Variants in PRUNE2 observed in about 807,000 individuals in gnomAD.
PRUNE2 encodes prune homolog 2 with BCH domain, also known as protein prune homolog 2.
In PRUNE2, 164 loss-of-function variants were observed where a neutral mutation model predicts 252.0. The observed-to-expected ratio is 0.65, with a 90% CI of 0.57 to 0.74. PRUNE2 has a LOEUF of 0.74. Among genes scored for constraint, PRUNE2 ranks in the 30% least tolerant of loss-of-function variants. The pLI is 0.00. For missense variants in PRUNE2, 3,495 were observed against 3,711.0 expected, an observed-to-expected ratio of 0.94 and a Z score of 1.51; for synonymous variants, 1,292 against 1,350.2, an observed-to-expected ratio of 0.96 and a Z score of 0.94.
chr9:76,810,579 C>CAACA (rs2057291181), intron 6 of PRUNE2, among the ~76,000 whole-genome samples: 2 of 152,186 alleles, frequency 1.3e-5, no homozygotes, highest in Non-Finnish European at 2.9e-5. Flanking sequence ...CACTCTTCTC[C>CAACA]AACAGGCTCA....
chr9:76,858,165 T>C (rs2060359022), intron 1 of PRUNE2, among the ~76,000 whole-genome samples: 1 of 152,262 alleles, frequency 6.6e-6, no homozygotes, highest in Non-Finnish European at 1.5e-5. Context: ...AAAATCTGCT[T>C]GTGCCAGGCA....
In PRUNE2 at chr9:76,644,826, G is replaced by C. The variant is rs532759801; in HGVS notation, c.8641C>G (p.Leu2881Val). The change falls in exon 12 of 19, where the codon CTT becomes GTT. Residue 2881 changes from leucine to valine, a missense_variant. By Grantham distance (32) the Leu-to-Val change is conservative. Coordinates refer to ENST00000376718, the MANE Select transcript of PRUNE2 (RefSeq NM_015225.3). ...TAEEEREDNRLWRTVVIGEQE... is the reference protein window; with the variant it reads ...TAEEEREDNRVWRTVVIGEQE... ...TCTCCAATGACCACTGTCCTCCAAA[G>C]CCGGTTGTCCTCCCGTTCCTCTTCG... 5.0e-6 allele frequency: 8 copies of C among 1,613,880 alleles called. No individual in the cohort carries two copies. The East Asian group carries it at 1.8e-4, about 36-fold the overall frequency.
At chr9:76,721,091 G>A (rs929625464) in intron 6 of PRUNE2, among the ~76,000 whole-genome samples, 2 of 152,202 alleles carry the variant, frequency 1.3e-5, no homozygotes, top group Non-Finnish European at 2.9e-5. Context: ...AACAGAGCGA[G>A]ACTCCGTCTA....
intron 13 of PRUNE2, 30 bp from the exon 14 acceptor site, chr9:76,637,579 C>A: frequency 6.3e-7 from 1 of 1,597,620 alleles, no homozygotes; most frequent in South Asian, 1.1e-5. Flanking sequence ...GGAATGTTTT[C>A]AGTTCCCACA....
chr9:76,855,308 A>G (rs2060196422), intron 1 of PRUNE2, among the ~76,000 whole-genome samples: 1 of 152,090 alleles, frequency 6.6e-6, no homozygotes, highest in African/African-American at 2.4e-5. Context: ...TGACATATGT[A>G]CATACTTTCC....
In PRUNE2 at chr9:76,771,885, T is replaced by C. The variant is rs900016173; in HGVS notation, c.756+51747A>G. Among the ~76,000 whole-genome samples, 3 of 152,186 alleles carry C rather than the reference T, an allele frequency of 2.0e-5. No homozygotes were observed. The East Asian group carries it at 5.8e-4, about 29-fold the overall frequency. ...CCCTAAGTGAGAAAGGAAAAGCCAC[T>C]CTGGCTTATTTGACAAAAAGCAGAA... On this transcript the variant is annotated intron_variant, in intron 6 of 18. Transcript: ENST00000376718.
At chr9:76,851,243 G>T (rs1336220127) in intron 2 of PRUNE2, among the ~76,000 whole-genome samples, 1 of 152,036 alleles carries the variant, frequency 6.6e-6, no homozygotes, top group African/African-American at 2.4e-5. Context: ...CAGGCCCAGT[G>T]TAGTTAAAAC....
chr9:76,707,684 A>G lies in PRUNE2; in HGVS notation c.4590T>C (p.Asn1530=), dbSNP rs954976910. 3 of 1,613,884 alleles carry G rather than the reference A, an allele frequency of 1.9e-6. No homozygotes were observed. The highest frequency in any genetic ancestry group is 2.5e-6 in the Non-Finnish European group (3 of 1,179,860). The change falls in exon 8 of 19, where the codon AAT becomes AAC. Residue 1530 remains asparagine (N), a synonymous_variant. Coordinates refer to ENST00000376718, the MANE Select transcript of PRUNE2 (RefSeq NM_015225.3). ...NSLPGAGSSG[N]FDRDTISSEY... ...CACTAGAAATAGTATCTCTGTCAAAATTTCCAGACGAACCGGCTCCTGGAA... is the reference window on the plus strand; with the variant it reads ...CACTAGAAATAGTATCTCTGTCAAAGTTTCCAGACGAACCGGCTCCTGGAA...
chr9:76,704,648 T>C (rs923123014), intron 8 of PRUNE2, 113 bp downstream of exon 8: 9 of 741,426 alleles, frequency 1.2e-5, no homozygotes, highest in South Asian at 2.0e-5. Context: ...GCCTTGAAAA[T>C]GTAGTTAGTT....
At chr9:76,762,921 A>G (rs528879829) in intron 6 of PRUNE2, among the ~76,000 whole-genome samples, 8 of 152,256 alleles carry the variant, frequency 5.3e-5, no homozygotes, top group Admixed American at 2.6e-4. Flanking sequence ...CTGATTTACA[A>G]TTTTTTTAAA....
chr9:76,871,985 A>G (rs992611014), intron 1 of PRUNE2, among the ~76,000 whole-genome samples: 4 of 152,168 alleles, frequency 2.6e-5, no homozygotes, highest in African/African-American at 9.7e-5. Flanking sequence ...TAAAAAATGA[A>G]AATAGTCAAC....
At chr9:76,651,154 C>T (rs1847236419) in intron 11 of PRUNE2, among the ~76,000 whole-genome samples, 1 of 152,118 alleles carries the variant, frequency 6.6e-6, no homozygotes, top group South Asian at 2.1e-4. Flanking sequence ...AATATAAAAT[C>T]TCTACTTACA....
intron 1 of PRUNE2, among the ~76,000 whole-genome samples, chr9:76,899,213 C>T (rs1321181744): frequency 6.6e-6 from 1 of 152,178 alleles, no homozygotes; most frequent in Non-Finnish European, 1.5e-5. Flanking sequence ...CCAATGGTTC[C>T]ACTGTTGGCT....
At chr9:76,737,943 G>C (rs907387559) in intron 6 of PRUNE2, 1 of 152,182 alleles carries the variant, frequency 6.6e-6, no homozygotes, top group African/African-American at 2.4e-5. Context: ...TATTCTGAAA[G>C]CAGTGATTAA....
intron 4 of PRUNE2, among the ~76,000 whole-genome samples, chr9:76,831,057 G>A (rs1002321418): frequency 6.6e-6 from 1 of 151,702 alleles, no homozygotes; most frequent in Non-Finnish European, 1.5e-5. Flanking sequence ...AGTCTCCCAA[G>A]TAGCTGGGAC....
chr9:76,694,067 C>T (rs182327005), intron 9 of PRUNE2, among the ~76,000 whole-genome samples: 209 of 152,290 alleles, frequency 1.4e-3, no homozygotes, highest in African/African-American at 4.3e-3. Context: ...GGGATCTTGT[C>T]TTTAAGAAGT....
intron 4 of PRUNE2, among the ~76,000 whole-genome samples, chr9:76,835,334 T>C (rs890996105): frequency 6.6e-6 from 1 of 151,688 alleles, no homozygotes; most frequent in Non-Finnish European, 1.5e-5. Flanking sequence ...TTTTTCATAT[T>C]GAAAAAAAAG....
intron 11 of PRUNE2, among the ~76,000 whole-genome samples, chr9:76,648,244 T>C (rs114757894): frequency 0.03 from 4,573 of 152,262 alleles, 249 homozygotes; most frequent in African/African-American, 0.1. Flanking sequence ...TCCAGCCACT[T>C]TGGAAGAGTT....
At chr9:76,788,569 T>C (rs774179758) in intron 6 of PRUNE2, 2 of 714,816 alleles carry the variant, frequency 2.8e-6, no homozygotes, top group Non-Finnish European at 5.2e-6. Context: ...AATGACAGTG[T>C]GTGGCAAGTA....
Sources: gnomAD v4.1 joint callset for allele counts (sites outside exome capture counted in the v4.1 genomes callset) on GRCh38, gnomAD v4.1.1 for gene constraint, MANE v1.5 for transcripts, NCBI Gene and HGNC (gene_info 2026-07-23, HGNC 2026-07-21) for gene names.